Variants in ENPP5 observed in about 807,000 individuals in gnomAD.
ENPP5 encodes E-NPP 5.
In ENPP5, 27 loss-of-function variants were observed where a neutral mutation model predicts 33.7. That is an observed-to-expected ratio of 0.80 (90% CI 0.59 to 1.11). ENPP5 has a LOEUF of 1.11. Ranked by LOEUF, ENPP5 falls within the 50% of genes least tolerant of loss-of-function variation. The pLI, the probability that ENPP5 is intolerant of heterozygous loss-of-function variation, is 0.00. For synonymous variants in ENPP5, 199 were observed against 200.5 expected (o/e 0.99, Z 0.06); for missense variants, 552 against 579.2 (o/e 0.95, Z 0.48).
rs1235593226 is a variant in ENPP5 at position 46,167,977 on chromosome 6, A to G, written c.286T>C (p.Phe96Leu). The G allele has an allele frequency of 4.3e-6, 7 of 1,614,138 alleles. No individual in the cohort carries two copies. The South Asian group carries it at 5.5e-5, about 13-fold the overall frequency. Reference sequence around the variant, plus strand: ...AAAGATTTGTTCCGAATAGGATCAAACATATCATTTGCAACAATCCCATGA... The same window carrying G: ...AAAGATTTGTTCCGAATAGGATCAAGCATATCATTTGCAACAATCCCATGA... ...ENHGIVANDM[F>L]DPIRNKSFSL... Residue 96 changes from phenylalanine to leucine, a missense_variant, in exon 3 of 5, where the codon TTT becomes CTT. Coordinates refer to ENST00000371383, the MANE Select transcript of ENPP5 (RefSeq NM_001290072.2).
At chr6:46,162,040 T>C (rs1405721417) in intron 4 of ENPP5, among the ~76,000 whole-genome samples, 1 of 152,072 alleles carries the variant, frequency 6.6e-6, no homozygotes, top group African/African-American at 2.4e-5. Flanking sequence ...TTAGAGTTTT[T>C]GTTTGTTTGT....
rs3822892 is a variant in ENPP5 at position 46,170,878 on chromosome 6, G to T, written c.-168C>A. The T allele has an allele frequency of 0.13, 20,441 of 152,374 alleles. 1,854 individuals are homozygous for T. Among genetic ancestry groups the T allele is most frequent in the South Asian group, 0.34 (1,639 of 4,820 alleles). 9.4% of individuals were successfully genotyped at this position (152,374 alleles called of 1,614,324 possible). A position where few individuals can be genotyped will look rare whatever the true frequency, so the allele number is the denominator to read the frequency against. ...GGGAGGGTCTGGAGGAGACTCCCTCGGGCGCGCCGCGGGTAACGGCGGGAG... is the reference window on the plus strand; with the variant it reads ...GGGAGGGTCTGGAGGAGACTCCCTCTGGCGCGCCGCGGGTAACGGCGGGAG... On this transcript the variant is annotated 5_prime_UTR_variant, in exon 1 of 5. Coordinates refer to ENST00000371383, the MANE Select transcript of ENPP5 (RefSeq NM_001290072.2).
chr6:46,167,384 G>T, intron 3 of ENPP5, 50 bp downstream of exon 3: 1 of 1,222,308 alleles, frequency 8.2e-7, no homozygotes, highest in South Asian at 1.4e-5. Context: ...TGATCACACT[G>T]GGCAAATGCA....
intron 4 of ENPP5, among the ~76,000 whole-genome samples, chr6:46,163,226 T>TA (rs1261209274): frequency 1.3e-5 from 2 of 152,152 alleles, no homozygotes; most frequent in African/African-American, 4.8e-5. Context: ...CTTTTTTTTT[T>TA]TTATTATACT....
At chr6:46,168,352 C>T (rs935245858) in intron 2 of ENPP5, 55 bp from the exon 3 acceptor site, 2 of 768,082 alleles carry the variant, frequency 2.6e-6, no homozygotes, top group South Asian at 2.2e-5. Flanking sequence ...GTATACTTTA[C>T]CCCAAACTCA....
chr6:46,170,004 A>C (rs2127500213), intron 2 of ENPP5, 49 bp downstream of exon 2: 1 of 152,324 alleles, frequency 6.6e-6, no homozygotes, highest in East Asian at 1.9e-4. Flanking sequence ...CATTAAACAC[A>C]GTTGCAGCAA....
At chr6:46,170,382 C>G (rs1764699705) in intron 1 of ENPP5, among the ~76,000 whole-genome samples, 1 of 148,964 alleles carries the variant, frequency 6.7e-6, no homozygotes, top group Non-Finnish European at 1.5e-5. Flanking sequence ...GGAATGAAAA[C>G]AATCAGAATT....
At position 46,161,473 on chromosome 6, in the gene ENPP5, C is replaced by T. The variant is rs1764391633; in HGVS notation, c.1287G>A (p.Gly429=). ...AGACCCCTATGAAATAAGGGTATGA[C>T]CCCTCTTGGTCATATTCTGCTGGTT... ...SVKPAEYDQE[G]SYPYFIGVSL... is the part of the protein sequence containing the mutation. Residue 429 remains glycine (G), a synonymous_variant, in exon 5 of 5, where the codon GGG becomes GGA. Coordinates refer to ENST00000371383, the MANE Select transcript of ENPP5 (RefSeq NM_001290072.2). 6.2e-7 allele frequency: 1 copy of T among 1,614,036 alleles called. No individual in the cohort carries two copies. Among genetic ancestry groups the T allele is most frequent in the Non-Finnish European group, 8.5e-7 (1 of 1,179,940 alleles).
In ENPP5 at chr6:46,168,123, G is replaced by A. The variant is rs2127499360; in HGVS notation, c.140C>T (p.Pro47Leu). The A allele has an allele frequency of 6.2e-7, 1 of 1,613,792 alleles. No homozygotes were observed. Among genetic ancestry groups the A allele is most frequent in the Non-Finnish European group, 8.5e-7 (1 of 1,179,752 alleles). Reference protein sequence around the residue: ...GFRWDYLYKVPTPHFHYIMKY... With the variant: ...GFRWDYLYKVLTPHFHYIMKY... ...CATAATATAATGAAAATGGGGCGTTGGAACTTTATATAAGTAATCCCAACG... is the reference window on the plus strand; with the variant it reads ...CATAATATAATGAAAATGGGGCGTTAGAACTTTATATAAGTAATCCCAACG... The change falls in exon 3 of 5, where the codon CCA becomes CTA. Residue 47 changes from proline to leucine, a missense_variant. Coordinates refer to ENST00000371383, the MANE Select transcript of ENPP5 (RefSeq NM_001290072.2).
Position 46,161,467 on chromosome 6 carries a change from G to A in ENPP5, c.1293C>T (p.Tyr431=). ...CAAGAGAGACCCCTATGAAATAAGGGTATGACCCCTCTTGGTCATATTCTG... is the reference window on the plus strand; with the variant it reads ...CAAGAGAGACCCCTATGAAATAAGGATATGACCCCTCTTGGTCATATTCTG... The part of the protein sequence containing the change: ...KPAEYDQEGS[Y]PYFIGVSLGS... Residue 431 remains tyrosine (Y), a synonymous_variant, in exon 5 of 5, where the codon TAC becomes TAT. Transcript: ENST00000371383. The A allele has an allele frequency of 1.2e-6, 2 of 1,613,958 alleles. No homozygotes were observed. Among genetic ancestry groups the A allele is most frequent in the South Asian group, 2.2e-5 (2 of 91,068 alleles).
chr6:46,167,725 T>C lies in ENPP5; in HGVS notation c.538A>G (p.Ile180Val). The C allele has an allele frequency of 1.2e-6, 2 of 1,614,218 alleles. No homozygotes were observed. Among genetic ancestry groups the C allele is most frequent in the East Asian group, 2.2e-5 (1 of 44,890 alleles). Residue 180 changes from isoleucine to valine, a missense_variant, in exon 3 of 5, where the codon ATA becomes GTA. Coordinates refer to ENST00000371383, the MANE Select transcript of ENPP5 (RefSeq NM_001290072.2). ...TCCCAATAGAGAAGACCAAGATTTA[T>C]GGGCTCTTTTGACGTAAACCATTCA... Reference protein sequence around the residue: ...IIEWFTSKEPINLGLLYWEDP... With the variant: ...IIEWFTSKEPVNLGLLYWEDP...
In ENPP5 at chr6:46,161,030, A is replaced by C. The variant is rs1269674861; in HGVS notation, c.*296T>G. ...ATACATAAGGTACTTTACATAGTGC[A>C]AAGTTGCTAAATATATACATTATCT... On this transcript the variant is annotated 3_prime_UTR_variant, in exon 5 of 5. Coordinates refer to ENST00000371383, the MANE Select transcript of ENPP5 (RefSeq NM_001290072.2). 2 of 342,306 alleles carry C rather than the reference A, an allele frequency of 5.8e-6. No individual in the cohort carries two copies. The highest frequency in any genetic ancestry group is 1.1e-5 in the Non-Finnish European group (2 of 183,846). The allele number at this position is 342,306 out of a possible 1,614,324, so 21.2% of individuals were successfully genotyped here. A position where few individuals can be genotyped will look rare whatever the true frequency, so the allele number is the denominator to read the frequency against.
rs758651860 is a variant in ENPP5 at position 46,167,827 on chromosome 6, T to A, written c.436A>T (p.Ile146Leu). 6.2e-7 allele frequency: 1 copy of A among 1,614,184 alleles called. No homozygotes were observed. The highest frequency in any genetic ancestry group is 8.5e-7 in the Non-Finnish European group (1 of 1,180,024). The stretch of plus-strand genomic sequence containing the variant: ...TAATGAGTAGGAAAGCGCTTATGTA[T>A]TTTTACATCTGTTCCGGGCCACATG... ...AAMWPGTDVK[I>L]HKRFPTHYMP... The change falls in exon 3 of 5, where the codon ATA becomes TTA. Residue 146 changes from isoleucine (I) to leucine (L), a missense_variant. By Grantham distance (5) the Ile-to-Leu change is conservative. Coordinates refer to ENST00000371383, the MANE Select transcript of ENPP5 (RefSeq NM_001290072.2).
At chr6:46,163,586 C>T (rs949039984) in intron 4 of ENPP5, among the ~76,000 whole-genome samples, 97 of 152,114 alleles carry the variant, frequency 6.4e-4, no homozygotes, top group African/African-American at 2.2e-3. Context: ...ATTTCCAGTT[C>T]TAGATCCCTG....
intron 4 of ENPP5, among the ~76,000 whole-genome samples, chr6:46,162,259 C>T (rs1043391015): frequency 6.6e-6 from 1 of 152,116 alleles, no homozygotes; most frequent in African/African-American, 2.4e-5. Context: ...CAAACCTGTA[C>T]TTACAGCTAT....
chr6:46,166,016 A>G (rs762217469), intron 3 of ENPP5, among the ~76,000 whole-genome samples: 2 of 152,158 alleles, frequency 1.3e-5, no homozygotes, highest in Non-Finnish European at 2.9e-5. Flanking sequence ...AGGTGTTGCC[A>G]AAGTACTCCC....
In ENPP5 at chr6:46,168,210, G is replaced by T. The variant is rs1764615959; in HGVS notation, c.53C>A (p.Ser18Ter). 1.9e-6 allele frequency: 3 copies of T among 1,609,970 alleles called. No homozygotes were observed. The Admixed American group carries it at 5.0e-5, about 27-fold the overall frequency. ...VSFILAALSL[S>*]TTFSLQPDQQ... ...GTCTGGTTGGAGAGAAAAGGTGGTTGAAAGACTCAGTGCAGCAAGTATGAA... is the reference window on the plus strand; with the variant it reads ...GTCTGGTTGGAGAGAAAAGGTGGTTTAAAGACTCAGTGCAGCAAGTATGAA... The change falls in exon 3 of 5, where the codon TCA becomes TAA. Residue 18 changes from serine (S) to a stop codon, truncating the protein, a stop_gained. Transcript: ENST00000371383. LOFTEE classifies it high-confidence loss of function.
intron 4 of ENPP5, among the ~76,000 whole-genome samples, chr6:46,164,516 T>C (rs1764478516): frequency 6.6e-6 from 1 of 152,138 alleles, no homozygotes; most frequent in Non-Finnish European, 1.5e-5. Context: ...AGGTTTTCTA[T>C]CAAAAATAGA....
In ENPP5 at chr6:46,167,746, A is replaced by G; in HGVS notation, c.517T>C (p.Trp173Arg). Reference sequence around the variant, plus strand: ...TTTATGGGCTCTTTTGACGTAAACCATTCAATAATTTTGGCAACTCTATCT... The same window carrying G: ...TTTATGGGCTCTTTTGACGTAAACCGTTCAATAATTTTGGCAACTCTATCT... ...FEDRVAKIIE[W>R]FTSKEPINLG... is the part of the protein sequence containing the mutation. The change falls in exon 3 of 5, where the codon TGG (tryptophan) becomes CGG (arginine). Residue 173 changes from tryptophan (W) to arginine (R), a missense_variant. By Grantham distance (101) the Trp-to-Arg change is moderately radical. Coordinates refer to ENST00000371383, the MANE Select transcript of ENPP5 (RefSeq NM_001290072.2). 1.2e-6 allele frequency: 2 copies of G among 1,614,148 alleles called. No homozygotes were observed. Among genetic ancestry groups the G allele is most frequent in the Non-Finnish European group, 1.7e-6 (2 of 1,180,034 alleles).
Sources: gnomAD v4.1 joint callset for allele counts (sites outside exome capture counted in the v4.1 genomes callset) on GRCh38, gnomAD v4.1.1 for gene constraint, MANE v1.5 for transcripts, NCBI Gene and HGNC (gene_info 2026-07-23, HGNC 2026-07-21) for gene names.